Variants in TJP1 observed in about 807,000 individuals in gnomAD.
TJP1 encodes the protein tight junction protein ZO-1.
A neutral mutation model predicts 194.2 loss-of-function variants in TJP1; 43 were observed. The ratio of observed to expected loss-of-function variants is 0.22; its 90% CI spans 0.17 to 0.29. The LOEUF is 0.29. TJP1 is among the 10% of genes least tolerant of loss of function. The pLI, the probability that TJP1 is intolerant of heterozygous loss-of-function variation, is 1.00. For synonymous variants in TJP1, 801 were observed against 779.0 expected (o/e 1.03, Z -0.47); for missense variants, 1,971 against 2,185.7 (o/e 0.90, Z 1.96).
intron 8 of TJP1, among the ~76,000 whole-genome samples, chr15:29,753,383 C>T (rs2045417680): frequency 1.4e-5 from 2 of 147,464 alleles, no homozygotes; most frequent in Middle Eastern, 3.6e-3. Context: ...ACTCAGGAGG[C>T]TGAGGCAGGA....
At chr15:29,712,998 T>C (rs1043185842) in intron 23 of TJP1, among the ~76,000 whole-genome samples, 1 of 152,166 alleles carries the variant, frequency 6.6e-6, no homozygotes, top group Non-Finnish European at 1.5e-5. Flanking sequence ...CCATCTCCAA[T>C]CGTAAGCTGG....
chr15:29,733,971 T>C (rs879729584), intron 12 of TJP1, among the ~76,000 whole-genome samples: 1 of 152,210 alleles, frequency 6.6e-6, no homozygotes, highest in African/African-American at 2.4e-5. Context: ...GCTGCTCATA[T>C]ATACTTTTGT....
At chr15:29,700,128 T>G (rs2041452154), downstream of TJP1, 1 of 397,158 alleles carries the variant, frequency 2.5e-6, no homozygotes. Context: ...TAGAAAACAG[T>G]GGGCAAACAG....
chr15:29,937,639 C>T (rs1403958181), intron 2 of TJP1, among the ~76,000 whole-genome samples: 1 of 152,134 alleles, frequency 6.6e-6, no homozygotes, highest in South Asian at 2.1e-4. Flanking sequence ...GCAGACAACA[C>T]GGACCCACTC....
At chr15:29,924,460 T>C (rs185664749) in intron 2 of TJP1, among the ~76,000 whole-genome samples, 6 of 152,272 alleles carry the variant, frequency 3.9e-5, no homozygotes, top group South Asian at 2.1e-4. Flanking sequence ...ATACAAGAGA[T>C]AGCAAAAAGA....
chr15:29,704,105 G>C, intron 27 of TJP1, 57 bp downstream of exon 27: 2 of 1,522,714 alleles, frequency 1.3e-6, no homozygotes, highest in Non-Finnish European at 1.8e-6. Context: ...CATCAGCCCA[G>C]GTATTAATCA....
At chr15:29,906,316 T>A (rs180801783) in intron 2 of TJP1, among the ~76,000 whole-genome samples, 1 of 151,748 alleles carries the variant, frequency 6.6e-6, no homozygotes, top group South Asian at 2.1e-4. Flanking sequence ...CTACCAAAAA[T>A]TTAAAAATTA....
intron 2 of TJP1, among the ~76,000 whole-genome samples, chr15:29,876,090 A>G (rs1230360516): frequency 1.3e-5 from 2 of 152,250 alleles, no homozygotes; most frequent in Non-Finnish European, 2.9e-5. Context: ...TGTGGCTAGT[A>G]GCAATGATAC....
chr15:29,838,437 A>G (rs1287842273), intron 2 of TJP1, among the ~76,000 whole-genome samples: 1 of 152,234 alleles, frequency 6.6e-6, no homozygotes, highest in Non-Finnish European at 1.5e-5. Context: ...AAAAGAAAAT[A>G]AAACAAGAAG....
At chr15:29,944,832 C>T (rs560059540) in intron 2 of TJP1, among the ~76,000 whole-genome samples, 24 of 152,280 alleles carry the variant, frequency 1.6e-4, no homozygotes, top group Admixed American at 1.3e-3. Context: ...GATTTTAAAT[C>T]TGTCATGAAT....
chr15:29,790,866 G>T (rs1437904110), intron 2 of TJP1, among the ~76,000 whole-genome samples: 1 of 151,130 alleles, frequency 6.6e-6, no homozygotes, highest in Non-Finnish European at 1.5e-5. Context: ...TGTTGCAAAT[G>T]ACAGGATTTC....
intron 11 of TJP1, among the ~76,000 whole-genome samples, chr15:29,734,643 C>T (rs2043904866): frequency 6.6e-6 from 1 of 151,900 alleles, no homozygotes; most frequent in Admixed American, 6.6e-5. Context: ...ACCACCACAC[C>T]CAGCTAATTT....
intron 2 of TJP1, among the ~76,000 whole-genome samples, chr15:29,830,558 T>C (rs2050806635): frequency 6.6e-6 from 1 of 151,260 alleles, no homozygotes; most frequent in Admixed American, 6.6e-5. Context: ...TACACTAATA[T>C]ATATTAATGT....
rs1310114067 is a variant in TJP1 at position 29,726,763 on chromosome 15, CTTTA to C, written c.2311+14_2311+17del. ...CAGACATTGTAAGCTGAAAGAAGGCCTTTATTAACATACTCACTTGTAAAAAGAT... is the reference window on the plus strand; with the variant it reads ...CAGACATTGTAAGCTGAAAGAAGGCCTTAACATACTCACTTGTAAAAAGAT... On this transcript the variant is annotated intron_variant, in intron 17 of 27. Transcript: ENST00000614355. 27 of 1,611,314 alleles carry C rather than the reference CTTTA, an allele frequency of 1.7e-5. No individual in the cohort carries two copies. The highest frequency in any genetic ancestry group is 2.2e-5 in the Non-Finnish European group (26 of 1,177,934).
chr15:29,721,436 G>A (rs907272522), intron 18 of TJP1, among the ~76,000 whole-genome samples: 3 of 152,042 alleles, frequency 2.0e-5, no homozygotes, highest in East Asian at 1.9e-4. Context: ...CTTCCGCCAC[G>A]ATTGTAAGTT....
At chr15:29,784,300 G>C (rs1001643098) in intron 2 of TJP1, among the ~76,000 whole-genome samples, 2 of 151,604 alleles carry the variant, frequency 1.3e-5, no homozygotes, top group African/African-American at 4.8e-5. Context: ...GCAACTCAAG[G>C]ATTTTTTTTT....
intron 2 of TJP1, among the ~76,000 whole-genome samples, chr15:29,795,790 T>G (rs1243999477): frequency 1.3e-5 from 2 of 152,040 alleles, no homozygotes; most frequent in African/African-American, 2.4e-5. Context: ...CAGCAACATC[T>G]GGAATGGATA....
At position 29,761,626 on chromosome 15, in the gene TJP1, G is replaced by C. The variant is rs773059859; in HGVS notation, c.837C>G (p.His279Gln). Residue 279 changes from histidine to glutamine, a missense_variant, in exon 7 of 28, where the codon CAC (histidine) becomes CAG (glutamine). His to Gln is a conservative substitution (Grantham distance 24). Transcript: ENST00000614355. ...LNVPDLSDSIHSANASERDDI... is the reference protein window; with the variant it reads ...LNVPDLSDSIQSANASERDDI... ...CGTCTCTCTCAGAGGCATTAGCAGA[G>C]TGGATGCTGTCAGAAAGATCAGGGA... is the stretch of plus-strand genomic sequence containing the variant. 13 of 1,605,828 alleles carry C rather than the reference G, an allele frequency of 8.1e-6. No individual in the cohort carries two copies. The highest frequency in any genetic ancestry group is 1.1e-5 in the South Asian group (1 of 90,510).
At chr15:29,928,567 T>C (rs1175643878) in intron 2 of TJP1, among the ~76,000 whole-genome samples, 1 of 152,142 alleles carries the variant, frequency 6.6e-6, no homozygotes, top group Non-Finnish European at 1.5e-5. Context: ...TCAAGAGACA[T>C]AGACAAGATA....
Sources: gnomAD v4.1 joint callset for allele counts (sites outside exome capture counted in the v4.1 genomes callset) on GRCh38, gnomAD v4.1.1 for gene constraint, MANE v1.5 for transcripts, NCBI Gene and HGNC (gene_info 2026-07-23, HGNC 2026-07-21) for gene names.